The following ATP4A variants were observed in gnomAD, a reference collection of about 807,000 sequenced individuals.
ATP4A encodes the protein ATPase H+/K+ transporting subunit alpha, also known as potassium-transporting ATPase alpha chain 1.
Under a neutral mutation model 112.1 loss-of-function variants are expected in ATP4A, and 73 were observed. The observed-to-expected ratio is 0.65, with a 90% CI of 0.54 to 0.79. The LOEUF is 0.79. ATP4A is among the 30% of genes least tolerant of loss of function. ATP4A has a pLI of 0.00. For synonymous variants in ATP4A, 588 were observed against 588.9 expected (o/e 1.00, Z 0.02); for missense variants, 1,081 against 1,425.9 (o/e 0.76, Z 3.90).
In ATP4A at chr19:35,563,509, A is replaced by G. The variant is rs754340114; in HGVS notation, c.31T>C (p.Ser11Pro). The G allele has an allele frequency of 4.3e-6, 7 of 1,613,810 alleles. No homozygotes were observed. The South Asian group carries it at 6.6e-5, about 15-fold the overall frequency. The change falls in exon 2 of 22, where the codon TCG becomes CCG. Residue 11 changes from serine to proline, a missense_variant. Transcript: ENST00000262623. ...CCAGGGCCAGGACCCAGCTCCACCG[A>G]GTAGAGCTCATAGTTCTCCTGGGAA... MGKAENYELY[S>P]VELGPGPGGD... is the part of the protein sequence containing the mutation.
Position 35,563,457 on chromosome 19 carries a change from T to A in ATP4A, c.83A>T (p.Lys28Met). The A allele has an allele frequency of 6.2e-7, 1 of 1,613,512 alleles. No individual in the cohort carries two copies. The highest frequency in any genetic ancestry group is 8.5e-7 in the Non-Finnish European group (1 of 1,179,752). ...PGGDMAAKMSKKKKAGGGGGK... is the reference protein window; with the variant it reads ...PGGDMAAKMSMKKKAGGGGGK... ...ACCCCCGCCACCCGCCTTCTTCTTC[T>A]TGCTCATCTTGGCAGCCATGTCCCC... is the stretch of plus-strand genomic sequence containing the variant. The change falls in exon 2 of 22, where the codon AAG becomes ATG. Residue 28 changes from lysine to methionine, a missense_variant. Around this residue, in one of 3 missense-constraint regions of ATP4A, gnomAD observed 850 missense variants for 1,068.2 expected, o/e 0.80. Coordinates refer to ENST00000262623, the MANE Select transcript of ATP4A (RefSeq NM_000704.3).
Position 35,556,791 on chromosome 19 carries a change from T to G in ATP4A, c.1869+122A>C. 4 of 1,192,042 alleles carry G rather than the reference T, an allele frequency of 3.4e-6. No individual in the cohort carries two copies. The South Asian group carries it at 6.2e-5, about 19-fold the overall frequency. 73.8% of individuals were successfully genotyped at this position (1,192,042 alleles called of 1,614,324 possible). Reference sequence around the variant, plus strand: ...CTTAATTCCCCAGAATTTTTCAGTATCATAAACCAATGCATTTTGGTTCAA... The same window carrying G: ...CTTAATTCCCCAGAATTTTTCAGTAGCATAAACCAATGCATTTTGGTTCAA... On this transcript the variant is annotated intron_variant, in intron 12 of 21. Coordinates refer to ENST00000262623, the MANE Select transcript of ATP4A (RefSeq NM_000704.3).
In ATP4A at chr19:35,550,931, G is replaced by T; in HGVS notation, c.2988-6C>A. On this transcript the variant is annotated splice_region_variant and splice_polypyrimidine_tract_variant and intron_variant, in intron 20 of 21. Coordinates refer to ENST00000262623, the MANE Select transcript of ATP4A (RefSeq NM_000704.3). This position sits in a 1 kb window ranked among gnomAD's most constrained non-coding sequence, Gnocchi z 4.1. The stretch of plus-strand genomic sequence containing the variant: ...GGACCAGCCACCACTGGAACCTGAA[G>T]GCACATGGCAAGGTGAAGGCCATCC... The T allele has an allele frequency of 6.2e-7, 1 of 1,614,076 alleles. No individual in the cohort carries two copies. The highest frequency in any genetic ancestry group is 8.5e-7 in the Non-Finnish European group (1 of 1,179,948).
intron 16 of ATP4A, 87 bp from the exon 17 acceptor site, chr19:35,553,916 G>A (rs912789118): frequency 8.0e-6 from 12 of 1,497,404 alleles, no homozygotes; most frequent in Non-Finnish European, 1.1e-5. Context: ...CCACTTGTGA[G>A]CAGGAACAGG....
Position 35,558,446 on chromosome 19 carries a change from C to T in ATP4A, c.1416G>A (p.Glu472=). The T allele has an allele frequency of 1.4e-5, 22 of 1,605,064 alleles. No individual in the cohort carries two copies. Among genetic ancestry groups the T allele is most frequent in the Non-Finnish European group, 1.9e-5 (22 of 1,176,286 alleles). The part of the protein sequence containing the change: ...ASETALLKFS[E]LTLGNAMGYR... ...AGCCCATGGCGTTGCCCAGCGTCAGCTCCGAGAACTTGAGCAGCGCCGTCT... is the reference window on the plus strand; with the variant it reads ...AGCCCATGGCGTTGCCCAGCGTCAGTTCCGAGAACTTGAGCAGCGCCGTCT... The change falls in exon 10 of 22, where the codon GAG becomes GAA. Residue 472 remains glutamate, a synonymous_variant. Transcript: ENST00000262623. The surrounding 1 kb of genome is among the most constrained non-coding windows in gnomAD (Gnocchi z 5.1).
Position 35,558,933 on chromosome 19 carries a change from T to C in ATP4A, c.1255+60A>G. 1 of 1,595,856 alleles carries C rather than the reference T, an allele frequency of 6.3e-7. No homozygotes were observed. The highest frequency in any genetic ancestry group is 8.6e-7 in the Non-Finnish European group (1 of 1,165,868). On this transcript the variant is annotated intron_variant, in intron 8 of 21. Transcript: ENST00000262623. The surrounding 1 kb of genome is among the most constrained non-coding windows in gnomAD (Gnocchi z 5.1). ...AGCCCTCCCTACCTCCCTATCCCTC[T>C]TCAGGTCTCCACCATCCACCAGATC... is the stretch of plus-strand genomic sequence containing the variant.
At position 35,555,578 on chromosome 19, in the gene ATP4A, G is replaced by A. The variant is rs775347977; in HGVS notation, c.2019C>T (p.Ala673=). The A allele has an allele frequency of 6.3e-7, 1 of 1,582,214 alleles. No homozygotes were observed. The highest frequency in any genetic ancestry group is 8.6e-7 in the Non-Finnish European group (1 of 1,158,450). The part of the protein sequence containing the change: ...VDQVNRKDAR[A]CVINGMQLKD... ...TCAGCTGCATGCCATTGATCACACAGGCACGGGCATCCCTGGGGAGGAGAT... is the reference window on the plus strand; with the variant it reads ...TCAGCTGCATGCCATTGATCACACAAGCACGGGCATCCCTGGGGAGGAGAT... The change falls in exon 14 of 22, where the codon GCC becomes GCT. Residue 673 remains alanine, a synonymous_variant. Coordinates refer to ENST00000262623, the MANE Select transcript of ATP4A (RefSeq NM_000704.3). The surrounding 1 kb of genome is among the most constrained non-coding windows in gnomAD (Gnocchi z 6.6).
In ATP4A at chr19:35,559,025, A is replaced by G. The variant is rs1228280933; in HGVS notation, c.1223T>C (p.Ile408Thr). The change falls in exon 8 of 22, where the codon ATC (isoleucine) becomes ACC (threonine). Residue 408 changes from isoleucine to threonine, a missense_variant. Physicochemically the swap from Ile to Thr is moderately conservative, Grantham distance 89. This residue lies in a region of ATP4A where 850 missense variants were observed against 1,068.2 expected (regional missense o/e 0.80). Coordinates refer to ENST00000262623, the MANE Select transcript of ATP4A (RefSeq NM_000704.3). The surrounding 1 kb of genome is among the most constrained non-coding windows in gnomAD (Gnocchi z 4.1). ...TVSHLWFDNH[I>T]HTADTTEDQS... ...GTCTTCCGTGGTGTCAGCTGTGTGG[A>G]TGTGGTTGTCAAACCACAGATGGGA... The G allele has an allele frequency of 1.9e-6, 3 of 1,614,134 alleles. No individual in the cohort carries two copies. In the Admixed American group the frequency reaches 5.0e-5, roughly 27 times the overall value.
intron 4 of ATP4A, among the ~76,000 whole-genome samples, chr19:35,561,198 C>T (rs191545958): frequency 1.6e-3 from 249 of 152,180 alleles, no homozygotes; most frequent in Middle Eastern, 6.8e-3. Context: ...TCTTCCATGT[C>T]CCCATATCTG....
chr19:35,558,746 C>T lies in ATP4A; in HGVS notation c.1256-60G>A, dbSNP rs558085570. ...GCGGCTCTCCCGGACCAGAACCGAG[C>T]CCCCTCCTCCTAGGCTCATATCGCG... On this transcript the variant is annotated intron_variant, in intron 8 of 21. Coordinates refer to ENST00000262623, the MANE Select transcript of ATP4A (RefSeq NM_000704.3). This position sits in a 1 kb window ranked among gnomAD's most constrained non-coding sequence, Gnocchi z 5.1. 3.3e-6 allele frequency: 5 copies of T among 1,492,774 alleles called. No homozygotes were observed. The South Asian group carries it at 3.7e-5, about 11-fold the overall frequency. 92.5% of individuals were successfully genotyped at this position (1,492,774 alleles called of 1,614,324 possible). A position where few individuals can be genotyped will look rare whatever the true frequency, so the allele number is the denominator to read the frequency against.
chr19:35,563,605 G>C lies in ATP4A; in HGVS notation c.12+13C>G. The C allele has an allele frequency of 6.2e-7, 1 of 1,613,994 alleles. No individual in the cohort carries two copies. The stretch of plus-strand genomic sequence containing the variant: ...TGTCCCCACTGCACCCCGGACCCCT[G>C]GGCCCCACTCACGGCCTTCCCCATG... On this transcript the variant is annotated intron_variant, in intron 1 of 21. Transcript: ENST00000262623.
chr19:35,561,150 C>T (rs915416940), intron 4 of ATP4A, among the ~76,000 whole-genome samples: 1 of 152,076 alleles, frequency 6.6e-6, no homozygotes, highest in African/African-American at 2.4e-5. Flanking sequence ...TCTTGTGTTT[C>T]TGTGTATATT....
rs760068334 is a variant in ATP4A, at chr19:35,560,340, A to G, written c.787+23T>C. ...CCAGTGGAGGCAGCAGTTACTGGGCAGGCAGGCGGGGGCTTCACAGACCCT... is the reference window on the plus strand; with the variant it reads ...CCAGTGGAGGCAGCAGTTACTGGGCGGGCAGGCGGGGGCTTCACAGACCCT... On this transcript the variant is annotated intron_variant, in intron 6 of 21. Transcript: ENST00000262623. The surrounding 1 kb of genome is among the most constrained non-coding windows in gnomAD (Gnocchi z 5.1). 3.1e-6 allele frequency: 5 copies of G among 1,610,942 alleles called. No homozygotes were observed. The highest frequency in any genetic ancestry group is 4.2e-6 in the Non-Finnish European group (5 of 1,178,100).
rs185817713 is a variant in ATP4A at position 35,562,560 on chromosome 19, C to G, written c.295G>C (p.Glu99Gln). The change falls in exon 4 of 22, where the codon GAG (glutamate) becomes CAG (glutamine). Residue 99 changes from glutamate (E) to glutamine (Q), a missense_variant. Transcript: ENST00000262623. ...NALRPPRGTP[E>Q]YVKFARQLAG... ...AGCTGCCTCGCGAACTTGACGTACT[C>G]TGGGGTGCCCCGTGGTGGCCGCAGT... The G allele has an allele frequency of 6.8e-6, 11 of 1,612,858 alleles. No homozygotes were observed. In the East Asian group the frequency reaches 2.5e-4, roughly 36 times the overall value.
chr19:35,558,721 G>C lies in ATP4A; in HGVS notation c.1256-35C>G. The stretch of plus-strand genomic sequence containing the variant: ...AGGCGTCCAGGCTGGGTCCCGCACG[G>C]CGGCTCTCCCGGACCAGAACCGAGC... On this transcript the variant is annotated intron_variant, in intron 8 of 21. Transcript: ENST00000262623. This position sits in a 1 kb window ranked among gnomAD's most constrained non-coding sequence, Gnocchi z 5.1. 6.5e-7 allele frequency: 1 copy of C among 1,548,786 alleles called. No individual in the cohort carries two copies.
Position 35,550,638 on chromosome 19 carries a change from A to AT in ATP4A, c.3084_3085insA (p.Trp1029MetfsTer100). ...CTCTAATAGTAGAGTTCCTGGTCCC[A>AT]CCAGCCTGGGAGAGAGAGGGAGAAA... On this transcript the variant is annotated frameshift_variant, in exon 22 of 22. Coordinates refer to ENST00000262623, the MANE Select transcript of ATP4A (RefSeq NM_000704.3). LOFTEE classifies it high-confidence loss of function. The surrounding 1 kb of genome is among the most constrained non-coding windows in gnomAD (Gnocchi z 4.1). The AT allele has an allele frequency of 6.2e-7, 1 of 1,613,786 alleles. No individual in the cohort carries two copies. The highest frequency in any genetic ancestry group is 8.5e-7 in the Non-Finnish European group (1 of 1,179,826).
chr19:35,558,222 G>C lies in ATP4A; in HGVS notation c.1500+140C>G. ...GCCTCTGGTGGACGGGGCCATAGGC[G>C]GAGCGGGAGATGGGGTGGGGTTTGG... is the stretch of plus-strand genomic sequence containing the variant. On this transcript the variant is annotated intron_variant, in intron 10 of 21. Transcript: ENST00000262623. This position sits in a 1 kb window ranked among gnomAD's most constrained non-coding sequence, Gnocchi z 5.1. The C allele has an allele frequency of 8.6e-7, 1 of 1,159,268 alleles. No homozygotes were observed. Among genetic ancestry groups the C allele is most frequent in the South Asian group, 1.6e-5 (1 of 62,508 alleles). The allele number at this position is 1,159,268 out of a possible 1,614,324, so 71.8% of individuals were successfully genotyped here.
At position 35,550,779 on chromosome 19, in the gene ATP4A, C is replaced by T. The variant is rs755477472; in HGVS notation, c.3079+55G>A. The T allele has an allele frequency of 4.3e-6, 7 of 1,610,200 alleles. No individual in the cohort carries two copies. Among genetic ancestry groups the T allele is most frequent in the African/African-American group, 2.7e-5 (2 of 74,910 alleles). On this transcript the variant is annotated intron_variant, in intron 21 of 21. Transcript: ENST00000262623. This position sits in a 1 kb window ranked among gnomAD's most constrained non-coding sequence, Gnocchi z 4.1. ...AAGTGTTGAGGATCAAAGGTGGGTG[C>T]AGCTGCTCAAACGTTTCAGTCCCCT...
rs2071611195 is a variant in ATP4A at position 35,553,156 on chromosome 19, T to C, written c.2632A>G (p.Thr878Ala). Reference protein sequence around the residue: ...IGAIQSFAGFTDYFTAMAQEG... With the variant: ...IGAIQSFAGFADYFTAMAQEG... ...TGGGCCATTGCCGTGAAGTAGTCAGTGAAGCCAGCAAAGGACTGAATGGCA... is the reference window on the plus strand; with the variant it reads ...TGGGCCATTGCCGTGAAGTAGTCAGCGAAGCCAGCAAAGGACTGAATGGCA... The change falls in exon 18 of 22, where the codon ACT becomes GCT. Residue 878 changes from threonine to alanine, a missense_variant. This residue lies in a region of ATP4A where 219 missense variants were observed against 320.9 expected (regional missense o/e 0.68). Coordinates refer to ENST00000262623, the MANE Select transcript of ATP4A (RefSeq NM_000704.3). 2 of 1,603,404 alleles carry C rather than the reference T, an allele frequency of 1.2e-6. No homozygotes were observed. The highest frequency in any genetic ancestry group is 2.7e-5 in the African/African-American group (2 of 74,796).
Sources: allele counts gnomAD v4.1 joint callset (sites outside exome capture counted in the v4.1 genomes callset), GRCh38; gene constraint gnomAD v4.1.1; regional missense constraint gnomAD v4.1.1; non-coding constraint Gnocchi (gnomAD v3.1); transcripts MANE v1.5; gene names NCBI Gene and HGNC (gene_info 2026-07-23, HGNC 2026-07-21).